VWF: variants seen among roughly 807,000 people sequenced by gnomAD.
VWF encodes the protein Factor VIII related antigen.
A neutral mutation model predicts 308.6 loss-of-function variants in VWF; 176 were observed. The observed-to-expected ratio is 0.57, with a 90% CI of 0.50 to 0.65. The LOEUF (loss-of-function observed/expected upper bound fraction) is 0.65, where lower values mean the gene tolerates loss of function less well. VWF is among the 30% of genes least tolerant of loss of function. The pLI is 0.00. For missense variants in VWF, 3,146 were observed against 3,648.2 expected (o/e 0.86, Z 3.55); for synonymous variants, 1,385 against 1,443.4 (o/e 0.96, Z 0.92).
At chr12:6,014,464 G>A (rs1944035518) in intron 31 of VWF, among the ~76,000 whole-genome samples, 1 of 152,178 alleles carries the variant, frequency 6.6e-6, no homozygotes, top group Non-Finnish European at 1.5e-5. Context: ...GGATTGAGGT[G>A]ACCCTAGTGG....
At position 6,115,673 on chromosome 12, in the gene VWF, G is replaced by A. The variant is rs150733066; in HGVS notation, c.221-4705C>T. On this transcript the variant is annotated intron_variant, in intron 3 of 51. Coordinates refer to ENST00000261405, the MANE Select transcript of VWF (RefSeq NM_000552.5). ...GACTTCATTTTACAGACGGAGAAACGAAGGCCTAGGTTTACAGCAGGATTT... is the reference window on the plus strand; with the variant it reads ...GACTTCATTTTACAGACGGAGAAACAAAGGCCTAGGTTTACAGCAGGATTT... Among the ~76,000 whole-genome samples, 4 of 152,232 alleles carry A rather than the reference G, an allele frequency of 2.6e-5. No individual in the cohort carries two copies. In the East Asian group the frequency reaches 7.7e-4, roughly 29 times the overall value.
At chr12:5,995,927 C>T in intron 35 of VWF, 75 bp downstream of exon 35, 1 of 1,436,536 alleles carries the variant, frequency 7.0e-7, no homozygotes. Context: ...CAACTAAAAG[C>T]AACTGCCACC....
chr12:5,963,891 T>G (rs1591832891), intron 47 of VWF, among the ~76,000 whole-genome samples: 1 of 152,136 alleles, frequency 6.6e-6, no homozygotes, highest in East Asian at 1.9e-4. Flanking sequence ...GTAAGAGTGT[T>G]TTAAACAATT....
chr12:5,979,073 T>C (rs939116661), intron 42 of VWF, among the ~76,000 whole-genome samples: 2 of 152,156 alleles, frequency 1.3e-5, no homozygotes, highest in Admixed American at 6.5e-5. Flanking sequence ...ATCAAACACA[T>C]AAGAATCCAT....
At position 6,103,519 on chromosome 12, in the gene VWF, C is replaced by T. The variant is rs1227396982; in HGVS notation, c.532+6855G>A. On this transcript the variant is annotated intron_variant, in intron 5 of 51. Transcript: ENST00000261405. Reference sequence around the variant, plus strand: ...ATACACACACGTATATATATACACACATATGTGTATATACACATATATGTA... The same window carrying T: ...ATACACACACGTATATATATACACATATATGTGTATATACACATATATGTA... Among the ~76,000 whole-genome samples the T allele has an allele frequency of 4.5e-5, 6 of 134,776 alleles. 1 individual carries two copies. The highest frequency in any genetic ancestry group is 2.1e-4 in the East Asian group (1 of 4,654). The allele number at this position is 134,776 out of a possible 152,430, so 88.4% of individuals were successfully genotyped here.
chr12:6,013,584 C>G lies in VWF; in HGVS notation c.5517G>C (p.Leu1839Phe). Reference sequence around the variant, plus strand: ...CGTTGGAGTCGCCTGCTGGGCCTGCCAAGATCCGTAGCTGGGCTGCATCGT... The same window carrying G: ...CGTTGGAGTCGCCTGCTGGGCCTGCGAAGATCCGTAGCTGGGCTGCATCGT... ...DRYDAAQLRI[L>F]AGPAGDSNVV... is the part of the protein sequence containing the mutation. The change falls in exon 32 of 52, where the codon TTG (leucine) becomes TTC (phenylalanine). Residue 1839 changes from leucine to phenylalanine, a missense_variant. Transcript: ENST00000261405. 1 of 1,613,970 alleles carries G rather than the reference C, an allele frequency of 6.2e-7. No homozygotes were observed. Among genetic ancestry groups the G allele is most frequent in the Non-Finnish European group, 8.5e-7 (1 of 1,179,936 alleles).
At chr12:6,053,112 T>C (rs1173090510) in intron 15 of VWF, among the ~76,000 whole-genome samples, 3 of 152,174 alleles carry the variant, frequency 2.0e-5, no homozygotes, top group Non-Finnish European at 4.4e-5. Flanking sequence ...CCACAGGGAA[T>C]GTGCATTAGT....
chr12:6,068,835 CGTGT>C (rs34977515), intron 10 of VWF, among the ~76,000 whole-genome samples: 19,698 of 91,046 alleles, frequency 0.22, 2,154 homozygotes, highest in East Asian at 0.35. Context: ...TTTTTTTTTG[CGTGT>C]GTGTGTGTGT....
chr12:6,028,063 CT>C (rs1944215830), intron 22 of VWF, among the ~76,000 whole-genome samples: 1 of 152,150 alleles, frequency 6.6e-6, no homozygotes, highest in Non-Finnish European at 1.5e-5. Flanking sequence ...CTTGTACAAG[CT>C]GAAAATGGAT....
At chr12:5,984,988 G>C in intron 40 of VWF, 57 bp downstream of exon 40, 1 of 1,572,254 alleles carries the variant, frequency 6.4e-7, no homozygotes, top group African/African-American at 1.3e-5. Flanking sequence ...CCTTCAACGT[G>C]GTGCCCCCTG....
At chr12:6,047,189 T>C (rs1363588287) in intron 16 of VWF, among the ~76,000 whole-genome samples, 1 of 152,126 alleles carries the variant, frequency 6.6e-6, no homozygotes, top group Non-Finnish European at 1.5e-5. Flanking sequence ...CCAGGCTCTG[T>C]CCTAGGCTCG....
chr12:6,028,135 C>T (rs1944216525), intron 22 of VWF, among the ~76,000 whole-genome samples: 1 of 152,114 alleles, frequency 6.6e-6, no homozygotes. Flanking sequence ...GCTAGAGTAG[C>T]CAGAGCCACT....
intron 34 of VWF, among the ~76,000 whole-genome samples, chr12:6,010,291 A>G (rs959713716): frequency 1.3e-5 from 2 of 152,176 alleles, no homozygotes; most frequent in Non-Finnish European, 2.9e-5. Flanking sequence ...CTTTCCTGAA[A>G]AGTAAGAAAT....
chr12:6,089,611 T>A (rs1395512978), intron 6 of VWF, among the ~76,000 whole-genome samples: 1 of 152,142 alleles, frequency 6.6e-6, no homozygotes, highest in Admixed American at 6.5e-5. Flanking sequence ...GACCTCAGGA[T>A]CAGGTTCTCC....
At chr12:5,979,392 G>A (rs1207807676) in intron 42 of VWF, among the ~76,000 whole-genome samples, 8 of 152,170 alleles carry the variant, frequency 5.3e-5, no homozygotes, top group Non-Finnish European at 1.0e-4. Flanking sequence ...ATTGTTGATG[G>A]GGTAAACTTC....
chr12:5,955,445 T>C (rs930433546), intron 47 of VWF, among the ~76,000 whole-genome samples: 1 of 149,554 alleles, frequency 6.7e-6, no homozygotes, highest in African/African-American at 2.4e-5. Flanking sequence ...TCAATTCCCA[T>C]CTATGAGTGA....
intron 30 of VWF, 93 bp downstream of exon 30, chr12:6,016,423 A>G (rs1944057488): frequency 2.0e-6 from 3 of 1,466,158 alleles, no homozygotes; most frequent in Non-Finnish European, 1.9e-6. Flanking sequence ...AAGGCCAAGG[A>G]GCAAAGTGAC....
chr12:6,039,491 C>A (rs935629738), intron 18 of VWF, among the ~76,000 whole-genome samples: 1 of 152,236 alleles, frequency 6.6e-6, no homozygotes, highest in Admixed American at 6.5e-5. Context: ...AGCAGCTGAA[C>A]TCAGCCAGAA....
At chr12:6,108,594 A>G (rs1691166214) in intron 5 of VWF, among the ~76,000 whole-genome samples, 1 of 152,012 alleles carries the variant, frequency 6.6e-6, no homozygotes, top group South Asian at 2.1e-4. Flanking sequence ...TTGTAAAAAA[A>G]AAAAAAAAGG....
Sources: allele counts gnomAD v4.1 joint callset (sites outside exome capture counted in the v4.1 genomes callset), GRCh38; gene constraint gnomAD v4.1.1; transcripts MANE v1.5; gene names NCBI Gene and HGNC (gene_info 2026-07-23, HGNC 2026-07-21).